Variants in LRRC37A observed in about 807,000 individuals in gnomAD.
LRRC37A encodes the protein leucine-rich repeat-containing protein 37A.
LRRC37A carries 3 observed loss-of-function variants against 35.4 expected under a neutral mutation model. The ratio of observed to expected loss-of-function variants is 0.08; its 90% CI spans 0.04 to 0.22. The LOEUF is 0.22. LRRC37A is among the 10% of genes least tolerant of loss of function. The pLI, the probability that LRRC37A is intolerant of heterozygous loss-of-function variation, is 1.00. For missense variants in LRRC37A, 67 were observed against 565.3 expected, an observed-to-expected ratio of 0.12 and a Z score of 8.94; for synonymous variants, 23 against 215.0, an observed-to-expected ratio of 0.11 and a Z score of 7.81.
chr17:46,282,581 ATTT>A, the LRRC37A span, among the ~76,000 whole-genome samples: 14,433 of 133,748 alleles, frequency 0.11, 1 homozygote, highest in Middle Eastern at 0.18. Context: ...AGCCTGGTTA[ATTT>A]TTTTTTTTTT....
At chr17:46,314,348 G>A (rs576281739) in intron 5 of LRRC37A, among the ~76,000 whole-genome samples, 1,107 of 51,366 alleles carry the variant, frequency 0.022, 224 homozygotes, top group African/African-American at 0.049. Context: ...GAGTCTTATC[G>A]TTTTGGCTCT....
chr17:46,253,859 C>G, the LRRC37A span, among the ~76,000 whole-genome samples: 1,114 of 152,194 alleles, frequency 7.3e-3, 17 homozygotes, highest in African/African-American at 0.026. Context: ...TTGAAAGGAA[C>G]CTTTCTATTG....
chr17:46,267,652 G>C, the LRRC37A span: 1 of 1,341,920 alleles, frequency 7.5e-7, no homozygotes, highest in Non-Finnish European at 1.1e-6. Context: ...AACATGATTA[G>C]GATTTAGACG....
chr17:46,267,577 G>A, the LRRC37A span: 1 of 1,611,558 alleles, frequency 6.2e-7, no homozygotes, highest in Non-Finnish European at 8.5e-7. Flanking sequence ...TTTGTAACGT[G>A]GGTGCCACAG....
upstream of LRRC37A, among the ~76,000 whole-genome samples, chr17:46,288,075 C>G (rs975571706): frequency 2.3e-4 from 35 of 152,128 alleles, no homozygotes; most frequent in African/African-American, 8.5e-4. Flanking sequence ...GAATGGAAGT[C>G]GTCCTCAAGC....
At chr17:46,270,287 T>G in the LRRC37A span, among the ~76,000 whole-genome samples, 1 of 152,190 alleles carries the variant, frequency 6.6e-6, no homozygotes, top group Non-Finnish European at 1.5e-5. Flanking sequence ...CGCTAGGGAA[T>G]CACAGGAGCC....
the LRRC37A span, chr17:46,260,455 C>G: frequency 6.4e-7 from 1 of 1,571,134 alleles, no homozygotes; most frequent in Non-Finnish European, 8.6e-7. Flanking sequence ...CTGACCCAGC[C>G]GGCGGCGGGC....
the LRRC37A span, among the ~76,000 whole-genome samples, chr17:46,248,072 C>T: frequency 6.6e-6 from 1 of 151,934 alleles, no homozygotes; most frequent in African/African-American, 2.4e-5. Context: ...AATGTTTCGG[C>T]TTTCTTCTTC....
At chr17:46,279,229 G>A in the LRRC37A span, among the ~76,000 whole-genome samples, 2 of 148,944 alleles carry the variant, frequency 1.3e-5, no homozygotes, top group African/African-American at 2.5e-5. Flanking sequence ...TGTCGCCTAG[G>A]CTGGAGTGCA....
the LRRC37A span, among the ~76,000 whole-genome samples, chr17:46,283,219 CT>C: frequency 1.1e-4 from 16 of 152,192 alleles, no homozygotes; most frequent in East Asian, 5.8e-4. Flanking sequence ...CCCCACCAGC[CT>C]TGCTAAAAGT....
At chr17:46,272,778 T>C in the LRRC37A span, among the ~76,000 whole-genome samples, 1 of 152,274 alleles carries the variant, frequency 6.6e-6, no homozygotes, top group Non-Finnish European at 1.5e-5. Context: ...GATAAAACTA[T>C]AAAATGTCTT....
chr17:46,259,019 ATTTTTT>A, the LRRC37A span, among the ~76,000 whole-genome samples: 41 of 79,428 alleles, frequency 5.2e-4, no homozygotes, highest in South Asian at 8.9e-4. Context: ...CACCCGGCCT[ATTTTTT>A]TTTTTTTTTT....
chr17:46,281,525 G>A, the LRRC37A span, among the ~76,000 whole-genome samples: 3 of 152,166 alleles, frequency 2.0e-5, no homozygotes, highest in Non-Finnish European at 2.9e-5. Flanking sequence ...GAACTCCTGG[G>A]CACAAGTGAT....
the LRRC37A span, chr17:46,267,482 T>G: frequency 6.2e-7 from 1 of 1,612,208 alleles, no homozygotes; most frequent in Non-Finnish European, 8.5e-7. Flanking sequence ...CCTGGACTCC[T>G]CCAGCTGCAA....
chr17:46,290,795 G>A (rs2050046363), upstream of LRRC37A, among the ~76,000 whole-genome samples: 1 of 152,200 alleles, frequency 6.6e-6, no homozygotes, highest in Non-Finnish European at 1.5e-5. Flanking sequence ...TCATATAGAT[G>A]TCTATGAAAA....
the LRRC37A span, among the ~76,000 whole-genome samples, chr17:46,271,332 A>ATTTT: frequency 4.4e-3 from 556 of 125,524 alleles, 8 homozygotes; most frequent in Admixed American, 7.3e-3. Flanking sequence ...TACCTAGCTA[A>ATTTT]TTTTTTTTTT....
the LRRC37A span, among the ~76,000 whole-genome samples, chr17:46,266,259 T>G: frequency 6.6e-6 from 1 of 152,192 alleles, no homozygotes; most frequent in Non-Finnish European, 1.5e-5. Flanking sequence ...ACTCAGTCCC[T>G]CAGTCCCGAA....
the LRRC37A span, among the ~76,000 whole-genome samples, chr17:46,276,951 G>T: frequency 6.6e-6 from 1 of 151,464 alleles, no homozygotes; most frequent in African/African-American, 2.4e-5. Context: ...CTACAGGCAC[G>T]TGCCACCATG....
At chr17:46,265,753 C>T in the LRRC37A span, among the ~76,000 whole-genome samples, 2 of 152,194 alleles carry the variant, frequency 1.3e-5, no homozygotes, top group East Asian at 3.8e-4. Context: ...CCTGGGATTA[C>T]AAGCACGAGC....
Sources: allele counts gnomAD v4.1 joint callset (sites outside exome capture counted in the v4.1 genomes callset), GRCh38; gene constraint gnomAD v4.1.1; transcripts MANE v1.5; gene names NCBI Gene and HGNC (gene_info 2026-07-23, HGNC 2026-07-21).